The following PPP1R12B variants were observed in gnomAD, a reference collection of about 807,000 sequenced individuals.
The protein encoded by PPP1R12B is myosin phosphatase target subunit 2.
PPP1R12B carries 76 observed loss-of-function variants against 126.1 expected under a neutral mutation model. The ratio of observed to expected loss-of-function variants is 0.60; its 90% CI spans 0.50 to 0.73. The LOEUF is 0.73. PPP1R12B is among the 30% of genes least tolerant of loss of function. The pLI is 0.00. For synonymous variants in PPP1R12B, 356 were observed against 434.7 expected, an observed-to-expected ratio of 0.82 and a Z score of 2.25; for missense variants, 1,052 against 1,205.1, an observed-to-expected ratio of 0.87 and a Z score of 1.88.
chr1:202,582,903 A>T lies in PPP1R12B; in HGVS notation c.*2343A>T, dbSNP rs1225507824. On this transcript the variant is annotated 3_prime_UTR_variant, in exon 24 of 24. Transcript: ENST00000608999. Reference sequence around the variant, plus strand: ...CCATCTCAAAAAAAATAATAATAATAAATAAATAAAAAATCCCAATTACAG... The same window carrying T: ...CCATCTCAAAAAAAATAATAATAATTAATAAATAAAAAATCCCAATTACAG... 6.6e-6 allele frequency: 1 copy of T among 152,104 alleles called. No individual in the cohort carries two copies. The highest frequency in any genetic ancestry group is 1.5e-5 in the Non-Finnish European group (1 of 68,014). 9.4% of individuals were successfully genotyped at this position (152,104 alleles called of 1,614,324 possible).
Position 202,418,858 on chromosome 1 carries a change from C to G in PPP1R12B, c.422+1941C>G, listed in dbSNP as rs187276874. Among the ~76,000 whole-genome samples the G allele has an allele frequency of 3.0e-3, 462 of 151,930 alleles. 3 individuals are homozygous for G. The highest frequency in any genetic ancestry group is 0.011 in the African/African-American group (443 of 41,436). ...GTACTGTTCATTTCGGTTGCTTTAC[C>G]TCAGGGCCAATGGAGAATGTTGTAA... On this transcript the variant is annotated intron_variant, in intron 2 of 23. Coordinates refer to ENST00000608999, the MANE Select transcript of PPP1R12B (RefSeq NM_002481.4).
At chr1:202,573,162 G>A (rs1572554166) in intron 23 of PPP1R12B, among the ~76,000 whole-genome samples, 1 of 152,096 alleles carries the variant, frequency 6.6e-6, no homozygotes, top group Non-Finnish European at 1.5e-5. Flanking sequence ...TTTAAATTTG[G>A]TCCCTGCCCA....
chr1:202,356,760 C>T (rs1038767755), intron 1 of PPP1R12B, among the ~76,000 whole-genome samples: 1 of 151,578 alleles, frequency 6.6e-6, no homozygotes, highest in African/African-American at 2.4e-5. Context: ...TCAGAGCCTC[C>T]ACATAAGGAA....
In PPP1R12B at chr1:202,434,639, C is replaced by G. The variant is rs1177221378; in HGVS notation, c.1142-17C>G. On this transcript the variant is annotated splice_polypyrimidine_tract_variant and intron_variant, in intron 8 of 23. Transcript: ENST00000608999. Reference sequence around the variant, plus strand: ...TTTTATACTAGTACTTGTTAATTCTCTTGTCTTAAATAACAGATAAAAAGC... The same window carrying G: ...TTTTATACTAGTACTTGTTAATTCTGTTGTCTTAAATAACAGATAAAAAGC... 1.2e-6 allele frequency: 2 copies of G among 1,600,872 alleles called. No homozygotes were observed. Among genetic ancestry groups the G allele is most frequent in the Non-Finnish European group, 1.7e-6 (2 of 1,177,028 alleles).
intron 1 of PPP1R12B, among the ~76,000 whole-genome samples, chr1:202,392,582 C>T (rs569824297): frequency 5.4e-5 from 8 of 148,424 alleles, no homozygotes; most frequent in Non-Finnish European, 7.5e-5. Context: ...AGTGCAGTGG[C>T]GCAATCTTGT....
rs752795464 is a variant in PPP1R12B, at chr1:202,454,219, A to G, written c.1850+5048A>G. ...CCTTCTGGAAATGTTGTAACCTACAATCAATAAGATAGTACCTGTAACAGA... is the reference window on the plus strand; with the variant it reads ...CCTTCTGGAAATGTTGTAACCTACAGTCAATAAGATAGTACCTGTAACAGA... On this transcript the variant is annotated intron_variant, in intron 13 of 23. Coordinates refer to ENST00000608999, the MANE Select transcript of PPP1R12B (RefSeq NM_002481.4). Among the ~76,000 whole-genome samples, 54 of 152,350 alleles carry G rather than the reference A, an allele frequency of 3.5e-4. 1 individual carries two copies. The highest frequency in any genetic ancestry group is 3.4e-4 in the Non-Finnish European group (23 of 68,026).
At chr1:202,363,166 T>C (rs953161813) in intron 1 of PPP1R12B, among the ~76,000 whole-genome samples, 1 of 152,190 alleles carries the variant, frequency 6.6e-6, no homozygotes, top group Non-Finnish European at 1.5e-5. Flanking sequence ...TCAAATGATC[T>C]GTTATTAATT....
At chr1:202,543,562 A>T (rs914934497) in intron 18 of PPP1R12B, among the ~76,000 whole-genome samples, 15 of 152,138 alleles carry the variant, frequency 9.9e-5, no homozygotes, top group African/African-American at 3.6e-4. Flanking sequence ...CAACATTGTG[A>T]AACCCCATCT....
chr1:202,588,841 A>AGATAGAT lies in PPP1R12B; in HGVS notation c.*8282_*8288dup, dbSNP rs771215725. On this transcript the variant is annotated 3_prime_UTR_variant, in exon 24 of 24. Transcript: ENST00000608999. ...AGAACCGTAAGATAGATAGATAGAT[A>AGATAGAT]GATAGATAGATAGATAGATAGATAG... The AGATAGAT allele has an allele frequency of 2.1e-5, 3 of 143,628 alleles. No individual in the cohort carries two copies. The highest frequency in any genetic ancestry group is 1.3e-4 in the Admixed American group (2 of 14,848). 8.9% of individuals were successfully genotyped at this position (143,628 alleles called of 1,614,324 possible).
chr1:202,440,938 A>T, intron 11 of PPP1R12B, 150 bp downstream of exon 11: 1 of 608,662 alleles, frequency 1.6e-6, no homozygotes, highest in South Asian at 2.4e-5. Context: ...ACACCTCTCA[A>T]CTCTTATATC....
At chr1:202,460,040 A>G (rs980794277) in intron 13 of PPP1R12B, among the ~76,000 whole-genome samples, 14 of 152,332 alleles carry the variant, frequency 9.2e-5, no homozygotes, top group African/African-American at 3.4e-4. Flanking sequence ...CAAAGCTCCA[A>G]GTTTTCCTTA....
At chr1:202,402,647 G>A (rs550979392) in intron 1 of PPP1R12B, among the ~76,000 whole-genome samples, 1 of 152,324 alleles carries the variant, frequency 6.6e-6, no homozygotes, top group African/African-American at 2.4e-5. Context: ...GGTCAACTAT[G>A]TTTCTGCTCA....
At chr1:202,414,618 A>G (rs1667827629) in intron 1 of PPP1R12B, among the ~76,000 whole-genome samples, 1 of 152,152 alleles carries the variant, frequency 6.6e-6, no homozygotes, top group Non-Finnish European at 1.5e-5. Context: ...ATTGCAACAC[A>G]TACTGATTAT....
chr1:202,575,245 A>G, intron 23 of PPP1R12B: 1 of 1,408,656 alleles, frequency 7.1e-7, no homozygotes, highest in East Asian at 2.3e-5. Context: ...CCGAGCCTCC[A>G]TATGCAGGTT....
Position 202,416,930 on chromosome 1 carries a change from C to G in PPP1R12B, c.422+13C>G, listed in dbSNP as rs1178789088. 2 of 1,610,944 alleles carry G rather than the reference C, an allele frequency of 1.2e-6. No homozygotes were observed. Among genetic ancestry groups the G allele is most frequent in the Non-Finnish European group, 1.7e-6 (2 of 1,178,234 alleles). On this transcript the variant is annotated intron_variant, in intron 2 of 23. Coordinates refer to ENST00000608999, the MANE Select transcript of PPP1R12B (RefSeq NM_002481.4). ...TCAACATAGCAGAGTGAGTGAGTCTCTGTGTGTGTGGCTTTGTAGTATTTG... is the reference window on the plus strand; with the variant it reads ...TCAACATAGCAGAGTGAGTGAGTCTGTGTGTGTGTGGCTTTGTAGTATTTG...
rs112103028 is a variant in PPP1R12B, at chr1:202,388,119, C to CAA, written c.292-28654_292-28653dup. ...AAGAGGATCCTGTTCATAGAAGCAGCAAAAAAAAAAAAAAAGAGAAAAAAT... is the reference window on the plus strand; with the variant it reads ...AAGAGGATCCTGTTCATAGAAGCAGCAAAAAAAAAAAAAAAAAGAGAAAAAAT... On this transcript the variant is annotated intron_variant, in intron 1 of 23. Coordinates refer to ENST00000608999, the MANE Select transcript of PPP1R12B (RefSeq NM_002481.4). Among the ~76,000 whole-genome samples the CAA allele has an allele frequency of 8.6e-5, 9 of 104,200 alleles. 1 individual carries two copies. Among genetic ancestry groups the CAA allele is most frequent in the African/African-American group, 1.4e-4 (4 of 28,814 alleles). The allele number at this position is 104,200 out of a possible 152,430, so 68.4% of individuals were successfully genotyped here.
rs1333088126 is a variant in PPP1R12B, at chr1:202,375,832, A to G, written c.291+26690A>G. On this transcript the variant is annotated intron_variant, in intron 1 of 23. Transcript: ENST00000608999. ...GACTCCCAAAATGCTGGCATGAGCC[A>G]TGGCATCCCGCCCCCACTTTGTTTC... Among the ~76,000 whole-genome samples the G allele has an allele frequency of 3.3e-5, 5 of 152,216 alleles. No individual in the cohort carries two copies. The South Asian group carries it at 6.2e-4, about 19-fold the overall frequency.
chr1:202,514,541 A>G (rs1201882978), intron 18 of PPP1R12B, among the ~76,000 whole-genome samples: 1 of 152,028 alleles, frequency 6.6e-6, no homozygotes, highest in Non-Finnish European at 1.5e-5. Flanking sequence ...GGTTGTCTCC[A>G]GGGTTTTTAT....
At position 202,580,506 on chromosome 1, in the gene PPP1R12B, G is replaced by T; in HGVS notation, c.2895G>T (p.Arg965Ser). Residue 965 changes from arginine (R) to serine (S), a missense_variant, in exon 24 of 24, where the codon AGG becomes AGT. Arg to Ser is a moderately radical substitution (Grantham distance 110, BLOSUM62 -1). Transcript: ENST00000608999. ...VLTELKSDNQ[R>S]LKDENGALIR... ...CAGAACTGAAATCCGACAACCAGAG[G>T]CTGAAAGATGAAAATGGTGCCCTCA... 6.2e-7 allele frequency: 1 copy of T among 1,614,040 alleles called. No homozygotes were observed. Among genetic ancestry groups the T allele is most frequent in the Non-Finnish European group, 8.5e-7 (1 of 1,179,936 alleles).
Sources: allele counts gnomAD v4.1 joint callset (sites outside exome capture counted in the v4.1 genomes callset), GRCh38; gene constraint gnomAD v4.1.1; transcripts MANE v1.5; gene names NCBI Gene and HGNC (gene_info 2026-07-23, HGNC 2026-07-21).